The following SND1 variants were observed in gnomAD, a reference collection of about 807,000 sequenced individuals.
The protein encoded by SND1 is staphylococcal nuclease and tudor domain containing 1, also known as staphylococcal nuclease domain-containing protein 1.
A neutral mutation model predicts 121.7 loss-of-function variants in SND1; 38 were observed. That is an observed-to-expected ratio of 0.31 (90% CI 0.24 to 0.41). The LOEUF (loss-of-function observed/expected upper bound fraction) is 0.41. Ranked by LOEUF, SND1 falls within the 10% of genes least tolerant of loss-of-function variation. SND1 has a pLI of 1.00. For synonymous variants in SND1, 401 were observed against 447.4 expected (o/e 0.90, Z 1.31); for missense variants, 868 against 1,184.6 (o/e 0.73, Z 3.92).
At chr7:128,080,290 TCTC>T (rs1793575167) in intron 17 of SND1, among the ~76,000 whole-genome samples, 1 of 152,148 alleles carries the variant, frequency 6.6e-6, no homozygotes, top group East Asian at 1.9e-4. Context: ...ATTTGGATAA[TCTC>T]CTGGCTGCAG....
chr7:127,957,738 T>TCA (rs1801630671), intron 15 of SND1, among the ~76,000 whole-genome samples: 1 of 152,176 alleles, frequency 6.6e-6, no homozygotes, highest in Non-Finnish European at 1.5e-5. Context: ...TTCGCTCTTG[T>TCA]TGTCCAGGCT....
At chr7:127,952,027 A>T (rs546718122) in intron 15 of SND1, among the ~76,000 whole-genome samples, 1 of 152,154 alleles carries the variant, frequency 6.6e-6, no homozygotes, top group East Asian at 1.9e-4. Flanking sequence ...CATGGGTTCT[A>T]GCTCCCTGTA....
chr7:127,678,469 C>T (rs1795652500), intron 1 of SND1, among the ~76,000 whole-genome samples: 1 of 152,164 alleles, frequency 6.6e-6, no homozygotes, highest in South Asian at 2.1e-4. Flanking sequence ...GCCAGTGAGT[C>T]AGCACTGCCA....
intron 10 of SND1, among the ~76,000 whole-genome samples, chr7:127,729,392 A>G (rs1287153000): frequency 6.8e-6 from 1 of 148,070 alleles, no homozygotes; most frequent in African/African-American, 2.5e-5. Context: ...TCTTTTATTT[A>G]TGAGATACTG....
chr7:128,059,390 C>G (rs1181770658), intron 16 of SND1, among the ~76,000 whole-genome samples: 1 of 152,184 alleles, frequency 6.6e-6, no homozygotes, highest in Non-Finnish European at 1.5e-5. Flanking sequence ...AATTCTCTCT[C>G]CTTTTAGACC....
chr7:127,727,100 G>A (rs1240682767), intron 10 of SND1, among the ~76,000 whole-genome samples: 1 of 152,172 alleles, frequency 6.6e-6, no homozygotes, highest in Non-Finnish European at 1.5e-5. Context: ...ACCACATAAA[G>A]GTTTGTTCAC....
At chr7:128,018,147 A>G (rs1803267824) in intron 16 of SND1, among the ~76,000 whole-genome samples, 1 of 152,246 alleles carries the variant, frequency 6.6e-6, no homozygotes, top group Non-Finnish European at 1.5e-5. Flanking sequence ...GCCTTATGGG[A>G]AAGTCCTGTG....
chr7:127,798,575 A>C (rs1798068715), intron 10 of SND1, among the ~76,000 whole-genome samples: 1 of 151,552 alleles, frequency 6.6e-6, no homozygotes, highest in African/African-American at 2.4e-5. Flanking sequence ...TAACCTACTT[A>C]CTTTTTTTTT....
At chr7:127,902,723 C>CT (rs79618589) in intron 13 of SND1, among the ~76,000 whole-genome samples, 42,887 of 148,276 alleles carry the variant, frequency 0.29, 7,436 homozygotes, top group East Asian at 0.7. Context: ...ATTTCTTTTA[C>CT]TTTTTTTTTT....
chr7:128,045,992 C>T (rs1234041389), intron 16 of SND1, among the ~76,000 whole-genome samples: 2 of 152,234 alleles, frequency 1.3e-5, no homozygotes, highest in East Asian at 1.9e-4. Context: ...CTGGATGACA[C>T]ATCCACTCCT....
At chr7:127,983,561 G>A (rs947018033) in intron 15 of SND1, among the ~76,000 whole-genome samples, 3 of 152,088 alleles carry the variant, frequency 2.0e-5, no homozygotes, top group African/African-American at 7.2e-5. Flanking sequence ...AGCTAGGTAT[G>A]TGGCTAGGGA....
intron 1 of SND1, among the ~76,000 whole-genome samples, chr7:127,686,345 G>A (rs1276825186): frequency 6.6e-6 from 1 of 152,162 alleles, no homozygotes. Context: ...TGTCTCACAT[G>A]CCTTTTTACC....
chr7:128,005,287 G>C (rs1056427903), intron 16 of SND1, among the ~76,000 whole-genome samples: 3 of 152,188 alleles, frequency 2.0e-5, no homozygotes, highest in African/African-American at 7.2e-5. Flanking sequence ...AGCCCTTCCA[G>C]GTGTGAGAAA....
At chr7:127,916,094 C>A (rs77913161) in intron 14 of SND1, among the ~76,000 whole-genome samples, 4,153 of 150,506 alleles carry the variant, frequency 0.028, 93 homozygotes, top group Non-Finnish European at 0.041. Context: ...AGGTATATAT[C>A]TATTAATTTT....
intron 12 of SND1, among the ~76,000 whole-genome samples, chr7:127,878,867 G>A (rs1040680385): frequency 6.6e-6 from 1 of 152,046 alleles, no homozygotes; most frequent in Non-Finnish European, 1.5e-5. Context: ...TCCAATTATC[G>A]AGGCTTCCAA....
At chr7:128,039,486 T>C (rs1468614547) in intron 16 of SND1, among the ~76,000 whole-genome samples, 3 of 151,906 alleles carry the variant, frequency 2.0e-5, no homozygotes, top group African/African-American at 7.3e-5. Flanking sequence ...ATTACTAGCC[T>C]GATTTTTTTT....
At chr7:127,894,344 C>T (rs537381054) in intron 13 of SND1, among the ~76,000 whole-genome samples, 1 of 149,798 alleles carries the variant, frequency 6.7e-6, no homozygotes, top group South Asian at 2.1e-4. Context: ...GGAAGTTTTT[C>T]CATAAAATTT....
At chr7:127,871,509 G>C (rs1331598763) in intron 12 of SND1, among the ~76,000 whole-genome samples, 1 of 152,128 alleles carries the variant, frequency 6.6e-6, no homozygotes, top group African/African-American at 2.4e-5. Context: ...GGATCCACCT[G>C]CGTATATGTG....
intron 11 of SND1, among the ~76,000 whole-genome samples, chr7:127,836,890 A>G (rs928216897): frequency 6.6e-6 from 1 of 152,086 alleles, no homozygotes; most frequent in Admixed American, 6.5e-5. Flanking sequence ...ACCTTCACCA[A>G]ACTACTGAAT....
Sources: gnomAD v4.1 joint callset for allele counts (sites outside exome capture counted in the v4.1 genomes callset) on GRCh38, gnomAD v4.1.1 for gene constraint, MANE v1.5 for transcripts, NCBI Gene and HGNC (gene_info 2026-07-23, HGNC 2026-07-21) for gene names.